The following RPL39L variants were observed in gnomAD, a reference collection of about 807,000 sequenced individuals.
RPL39L encodes the protein ribosomal protein L39 like, also known as ribosomal protein eL39-like 2.
For synonymous variants in RPL39L, 16 were observed against 20.1 expected, an observed-to-expected ratio of 0.80 and a Z score of 0.55; for missense variants, 48 against 58.9, an observed-to-expected ratio of 0.81 and a Z score of 0.61.
chr3:187,121,314 G>A lies in RPL39L; in HGVS notation c.-14C>T. ...GTGAGAAGACATGGCGAGAAACAGAGTCAACCACACACCACTATGGCGGAG... is the reference window on the plus strand; with the variant it reads ...GTGAGAAGACATGGCGAGAAACAGAATCAACCACACACCACTATGGCGGAG... On this transcript the variant is annotated 5_prime_UTR_variant, in exon 3 of 3. Coordinates refer to ENST00000296277, the MANE Select transcript of RPL39L (RefSeq NM_052969.3). The A allele has an allele frequency of 6.2e-7, 1 of 1,613,846 alleles. No homozygotes were observed. Among genetic ancestry groups the A allele is most frequent in the Non-Finnish European group, 8.5e-7 (1 of 1,179,822 alleles).
chr3:187,134,026 GAGGGAA>G (rs776711895), intron 1 of RPL39L, among the ~76,000 whole-genome samples: 3 of 152,126 alleles, frequency 2.0e-5, no homozygotes, highest in Non-Finnish European at 4.4e-5. Flanking sequence ...TCATTGTGAA[GAGGGAA>G]AGTAATCAAC....
chr3:187,136,563 G>A (rs1579415806), intron 1 of RPL39L, among the ~76,000 whole-genome samples: 1 of 152,262 alleles, frequency 6.6e-6, no homozygotes, highest in Middle Eastern at 3.4e-3. Context: ...AGCTGGGTTA[G>A]TAAGGTTGTT....
At chr3:187,137,472 T>C (rs915838991) in intron 1 of RPL39L, among the ~76,000 whole-genome samples, 1 of 152,108 alleles carries the variant, frequency 6.6e-6, no homozygotes, top group African/African-American at 2.4e-5. Flanking sequence ...GTTGCACCAC[T>C]GCACTCCAGC....
chr3:187,138,424 A>G (rs1269309143), intron 1 of RPL39L, among the ~76,000 whole-genome samples: 1 of 152,180 alleles, frequency 6.6e-6, no homozygotes, highest in Non-Finnish European at 1.5e-5. Context: ...GGAAGTGGCG[A>G]GATTCCTTGG....
At chr3:187,126,416 G>A (rs560656769) in intron 2 of RPL39L, among the ~76,000 whole-genome samples, 7 of 151,950 alleles carry the variant, frequency 4.6e-5, no homozygotes, top group Non-Finnish European at 5.9e-5. Context: ...TGCCCGCCTC[G>A]GCCTCCCAAA....
intron 1 of RPL39L, among the ~76,000 whole-genome samples, chr3:187,131,266 G>T (rs1027483048): frequency 1.3e-5 from 2 of 151,930 alleles, no homozygotes; most frequent in Non-Finnish European, 2.9e-5. Flanking sequence ...TCACCTGCCT[G>T]CATTTTGGGA....
chr3:187,137,809 G>A (rs192597683), intron 1 of RPL39L, among the ~76,000 whole-genome samples: 1 of 142,410 alleles, frequency 7.0e-6, no homozygotes, highest in African/African-American at 2.8e-5. Context: ...GCGACAGAAG[G>A]ATACTCCGTC....
intron 1 of RPL39L, among the ~76,000 whole-genome samples, chr3:187,133,904 A>C (rs981225000): frequency 6.6e-6 from 1 of 152,174 alleles, no homozygotes; most frequent in African/African-American, 2.4e-5. Flanking sequence ...TTACTGACCT[A>C]GCAGAAAAAG....
At position 187,121,084 on chromosome 3, in the gene RPL39L, T is replaced by C. The variant is rs1434129595; in HGVS notation, c.*61A>G. The C allele has an allele frequency of 3.0e-5, 48 of 1,575,884 alleles. No homozygotes were observed. The highest frequency in any genetic ancestry group is 4.0e-5 in the Non-Finnish European group (46 of 1,149,472). Reference sequence around the variant, plus strand: ...TAGTGGTGACATTTTCAGCTTGATATCGTAAGATGATCGTGAACTTGATAC... The same window carrying C: ...TAGTGGTGACATTTTCAGCTTGATACCGTAAGATGATCGTGAACTTGATAC... On this transcript the variant is annotated 3_prime_UTR_variant, in exon 3 of 3. Coordinates refer to ENST00000296277, the MANE Select transcript of RPL39L (RefSeq NM_052969.3).
rs2108471048 is a variant in RPL39L at position 187,136,251 on chromosome 3, G to A, written c.-93+2962C>T. ...AAAGCTAATTACTTTTTAAAGTGGT[G>A]TGACTGACAAAAAGAAGTCAGCCCA... On this transcript the variant is annotated intron_variant, in intron 1 of 2. Coordinates refer to ENST00000296277, the MANE Select transcript of RPL39L (RefSeq NM_052969.3). 2.6e-5 allele frequency among the ~76,000 whole-genome samples: 4 copies of A among 152,322 alleles called. No homozygotes were observed. In the South Asian group the frequency reaches 8.3e-4, roughly 32 times the overall value.
At chr3:187,136,350 T>C (rs889548933) in intron 1 of RPL39L, among the ~76,000 whole-genome samples, 1 of 152,236 alleles carries the variant, frequency 6.6e-6, no homozygotes, top group Non-Finnish European at 1.5e-5. Flanking sequence ...CCCTCCCTGA[T>C]GACATCTTTC....
intron 2 of RPL39L, among the ~76,000 whole-genome samples, chr3:187,126,483 T>G (rs948772018): frequency 6.6e-6 from 1 of 152,122 alleles, no homozygotes; most frequent in African/African-American, 2.4e-5. Flanking sequence ...CTTTTTAATG[T>G]TTTGAAAAAC....
At chr3:187,122,558 G>A (rs1720331468) in intron 2 of RPL39L, among the ~76,000 whole-genome samples, 1 of 152,142 alleles carries the variant, frequency 6.6e-6, no homozygotes, top group Admixed American at 6.5e-5. Context: ...TTTATTCTAT[G>A]TCTGGCATCT....
intron 2 of RPL39L, among the ~76,000 whole-genome samples, chr3:187,125,611 T>G (rs1720383818): frequency 6.6e-6 from 1 of 151,550 alleles, no homozygotes; most frequent in African/African-American, 2.4e-5. Context: ...AGTGAGATAC[T>G]AGATCCCCCA....
At chr3:187,131,178 G>A (rs960916152) in intron 1 of RPL39L, among the ~76,000 whole-genome samples, 1 of 152,170 alleles carries the variant, frequency 6.6e-6, no homozygotes, top group African/African-American at 2.4e-5. Flanking sequence ...TGTCACAGTG[G>A]TTAAAAGAAC....
At chr3:187,125,848 T>C (rs1038688508) in intron 2 of RPL39L, among the ~76,000 whole-genome samples, 1 of 152,194 alleles carries the variant, frequency 6.6e-6, no homozygotes, top group Non-Finnish European at 1.5e-5. Flanking sequence ...AGTGTTTTGA[T>C]ATCACTATCA....
At chr3:187,126,064 T>A (rs773392990) in intron 2 of RPL39L, among the ~76,000 whole-genome samples, 19 of 152,170 alleles carry the variant, frequency 1.2e-4, no homozygotes, top group Non-Finnish European at 2.1e-4. Context: ...AACAAAAAAG[T>A]TTTTGTATCC....
intron 1 of RPL39L, among the ~76,000 whole-genome samples, chr3:187,132,564 T>G (rs933111796): frequency 2.0e-5 from 3 of 152,220 alleles, no homozygotes; most frequent in Admixed American, 1.3e-4. Flanking sequence ...TCACAAGAAC[T>G]TCCCTGCTTT....
At chr3:187,122,090 T>A (rs536138169) in intron 2 of RPL39L, among the ~76,000 whole-genome samples, 1 of 152,246 alleles carries the variant, frequency 6.6e-6, no homozygotes, top group African/African-American at 2.4e-5. Flanking sequence ...GGTACTTTCA[T>A]GTTACTACTA....
Sources: allele counts gnomAD v4.1 joint callset (sites outside exome capture counted in the v4.1 genomes callset), GRCh38; gene constraint gnomAD v4.1.1; transcripts MANE v1.5; gene names NCBI Gene and HGNC (gene_info 2026-07-23, HGNC 2026-07-21).